Variants in UGCG observed in about 807,000 individuals in gnomAD.
UGCG encodes ceramide glucosyltransferase.
A neutral mutation model predicts 49.5 loss-of-function variants in UGCG; 10 were observed. The ratio of observed to expected loss-of-function variants is 0.20; its 90% confidence interval spans 0.12 to 0.34. The LOEUF is 0.34. UGCG is among the 10% of genes least tolerant of loss of function. The pLI is 1.00. For synonymous variants in UGCG, 182 were observed against 158.2 expected (o/e 1.15, Z -1.13); for missense variants, 312 against 483.7 (o/e 0.65, Z 3.33).
chr9:111,930,192 TTC>T (rs1488918979), intron 6 of UGCG, among the ~76,000 whole-genome samples: 8 of 152,198 alleles, frequency 5.3e-5, no homozygotes, highest in African/African-American at 1.9e-4. Context: ...AAGGTAAATG[TTC>T]TGATTCCTCT....
rs1188659048 is a variant in UGCG at position 111,907,732 on chromosome 9, C to T, written c.99-6873C>T. ...CTCCGCCTCCCGGATTCAAGTGATT[C>T]TCCTGCCTCAGCCTCCCGAGTAGCT... On this transcript the variant is annotated intron_variant, in intron 1 of 8. Transcript: ENST00000374279. 4.0e-5 allele frequency among the ~76,000 whole-genome samples: 6 copies of T among 151,386 alleles called. No homozygotes were observed. In the East Asian group the frequency reaches 1.2e-3, roughly 29 times the overall value.
chr9:111,930,553 C>T (rs184893604), intron 6 of UGCG, among the ~76,000 whole-genome samples: 3 of 151,568 alleles, frequency 2.0e-5, no homozygotes, highest in East Asian at 3.9e-4. Flanking sequence ...CTGCAGTCTC[C>T]GCCTCCTGGG....
At chr9:111,905,635 G>A (rs902431625) in intron 1 of UGCG, among the ~76,000 whole-genome samples, 1 of 151,692 alleles carries the variant, frequency 6.6e-6, no homozygotes, top group African/African-American at 2.4e-5. Flanking sequence ...TGTATTTTTA[G>A]TAGAGACGGG....
chr9:111,929,814 A>G, intron 6 of UGCG, 136 bp downstream of exon 6: 4 of 1,002,524 alleles, frequency 4.0e-6, no homozygotes, highest in Non-Finnish European at 5.6e-6. Context: ...TAGGTCAATA[A>G]TTTTATTATT....
rs1188542288 is a variant in UGCG, at chr9:111,919,715, A to AC, written c.241-3134_241-3133insC. Among the ~76,000 whole-genome samples, 30 of 129,526 alleles carry AC rather than the reference A, an allele frequency of 2.3e-4. No homozygotes were observed. In the East Asian group the frequency reaches 7.7e-3, roughly 33 times the overall value. The allele number at this position is 129,526 out of a possible 152,430, so 85.0% of individuals were successfully genotyped here. Reference sequence around the variant, plus strand: ...GAGGCTGAGGCAGGAGAATGGCGTGAACCCTGGAGGCCAAGCTTGCAGTGA... The same window carrying AC: ...GAGGCTGAGGCAGGAGAATGGCGTGACACCCTGGAGGCCAAGCTTGCAGTGA... On this transcript the variant is annotated intron_variant, in intron 2 of 8. Transcript: ENST00000374279.
At chr9:111,897,417 G>C (rs1837683902) in intron 1 of UGCG, 104 bp downstream of exon 1, 4 of 895,984 alleles carry the variant, frequency 4.5e-6, no homozygotes, top group African/African-American at 3.5e-5. Flanking sequence ...GCTCGGGCGG[G>C]GGTGGAGAAA....
intron 1 of UGCG, among the ~76,000 whole-genome samples, chr9:111,901,455 G>A (rs1166533520): frequency 6.6e-6 from 1 of 152,158 alleles, no homozygotes. Flanking sequence ...AGGCAGTCCA[G>A]CAATTCAGCC....
intron 3 of UGCG, 48 bp from the exon 4 acceptor site, chr9:111,924,729 T>G: frequency 1.0e-6 from 1 of 1,002,124 alleles, no homozygotes; most frequent in East Asian, 2.9e-5. Flanking sequence ...CTATAAAATA[T>G]TTTTAATGTT....
intron 2 of UGCG, among the ~76,000 whole-genome samples, chr9:111,922,277 C>G (rs1196182676): frequency 6.6e-6 from 1 of 152,146 alleles, no homozygotes; most frequent in African/African-American, 2.4e-5. Context: ...AAATCAAATT[C>G]TGTTTTGTTT....
At chr9:111,929,120 C>T in intron 5 of UGCG, 1 of 154,684 alleles carries the variant, frequency 6.5e-6, no homozygotes, top group Non-Finnish European at 1.4e-5. Context: ...TGTATGCATG[C>T]ATGTATATAT....
chr9:111,902,220 T>A (rs1317702279), intron 1 of UGCG, among the ~76,000 whole-genome samples: 4 of 152,260 alleles, frequency 2.6e-5, no homozygotes, highest in Non-Finnish European at 5.9e-5. Flanking sequence ...AGCCATCTCC[T>A]ATTTGTTTTC....
chr9:111,904,079 G>C (rs1301760655), intron 1 of UGCG, among the ~76,000 whole-genome samples: 2 of 151,954 alleles, frequency 1.3e-5, no homozygotes, highest in Non-Finnish European at 1.5e-5. Flanking sequence ...GAGAATGATT[G>C]CCCCAGGCTG....
intron 2 of UGCG, among the ~76,000 whole-genome samples, chr9:111,922,248 A>G (rs1342802506): frequency 1.3e-5 from 2 of 152,216 alleles, no homozygotes; most frequent in East Asian, 3.8e-4. Flanking sequence ...ATGCATTTCA[A>G]GATCGTAAAT....
At chr9:111,918,996 G>A (rs1372086805) in intron 2 of UGCG, among the ~76,000 whole-genome samples, 1 of 151,272 alleles carries the variant, frequency 6.6e-6, no homozygotes, top group Non-Finnish European at 1.5e-5. Flanking sequence ...AAGGCAGACT[G>A]TACCTCCCTT....
Position 111,932,892 on chromosome 9 carries a change from A to G in UGCG, c.1080A>G (p.Thr360=), listed in dbSNP as rs746565185. The G allele has an allele frequency of 1.9e-6, 3 of 1,612,600 alleles. No homozygotes were observed. Among genetic ancestry groups the G allele is most frequent in the Middle Eastern group, 1.7e-4 (1 of 6,060 alleles). The part of the protein sequence containing the change: ...AVAWFIRESM[T]IYIFLSALWD... ...CCTGGTTCATCCGCGAATCCATGAC[A>G]ATATACATTTTTTTGTCTGCATTAT... Residue 360 remains threonine (T), a synonymous_variant, in exon 9 of 9, where the codon ACA becomes ACG. Transcript: ENST00000374279.
chr9:111,909,284 A>G (rs1197564991), intron 1 of UGCG, among the ~76,000 whole-genome samples: 1 of 152,196 alleles, frequency 6.6e-6, no homozygotes, highest in Non-Finnish European at 1.5e-5. Flanking sequence ...GATTTAAAAA[A>G]TGTTTTTGAA....
intron 1 of UGCG, among the ~76,000 whole-genome samples, chr9:111,898,234 T>C (rs1022031850): frequency 1.2e-4 from 18 of 151,870 alleles, no homozygotes; most frequent in African/African-American, 3.9e-4. Flanking sequence ...TGTAAAGAAA[T>C]GAAAAAATTA....
intron 2 of UGCG, among the ~76,000 whole-genome samples, chr9:111,917,852 A>G (rs1183643819): frequency 6.6e-6 from 1 of 152,234 alleles, no homozygotes; most frequent in Non-Finnish European, 1.5e-5. Context: ...ATTTGTCACC[A>G]GCGTAGAAGG....
At chr9:111,911,926 A>G (rs1589521128) in intron 1 of UGCG, among the ~76,000 whole-genome samples, 1 of 22,844 alleles carries the variant, frequency 4.4e-5, no homozygotes, top group Non-Finnish European at 7.3e-5. Context: ...ATATATATAT[A>G]TATATATATA....
Sources: allele counts gnomAD v4.1 joint callset (sites outside exome capture counted in the v4.1 genomes callset), GRCh38; gene constraint gnomAD v4.1.1; transcripts MANE v1.5; gene names NCBI Gene and HGNC (gene_info 2026-07-23, HGNC 2026-07-21).